The following FHIT variants were observed in gnomAD, a reference collection of about 807,000 sequenced individuals.
FHIT encodes the protein bis(5'-adenosyl)-triphosphatase.
Under a neutral mutation model 17.9 loss-of-function variants are expected in FHIT, and 19 were observed. The ratio of observed to expected loss-of-function variants is 1.06; its 90% CI spans 0.74 to 1.56. The LOEUF is 1.56. FHIT is among the 40% of genes most tolerant of loss of function. The pLI is 0.00. For synonymous variants in FHIT, 81 were observed against 69.7 expected (o/e 1.16, Z -0.81); for missense variants, 248 against 189.2 (o/e 1.31, Z -1.82).
intron 2 of FHIT, among the ~76,000 whole-genome samples, chr3:61,175,010 T>G (rs576381275): frequency 8.4e-6 from 1 of 118,606 alleles, no homozygotes; most frequent in East Asian, 7.2e-4. Flanking sequence ...ATCTATTAAA[T>G]GAAGAGAAGA....
intron 3 of FHIT, among the ~76,000 whole-genome samples, chr3:60,962,703 T>G (rs1553781491): frequency 6.6e-6 from 1 of 152,200 alleles, no homozygotes; most frequent in Non-Finnish European, 1.5e-5. Context: ...GGTTTTTGTC[T>G]TTGGTTCTGT....
At chr3:60,605,577 C>T (rs1271239925) in intron 4 of FHIT, among the ~76,000 whole-genome samples, 2 of 152,188 alleles carry the variant, frequency 1.3e-5, no homozygotes, top group African/African-American at 4.8e-5. Context: ...TATGTCTTTT[C>T]ATTCATTTGT....
At chr3:60,890,890 T>C (rs1456144718) in intron 3 of FHIT, among the ~76,000 whole-genome samples, 4 of 152,100 alleles carry the variant, frequency 2.6e-5, no homozygotes, top group Admixed American at 1.3e-4. Flanking sequence ...TCAAAATCAA[T>C]AGGGCCATTT....
intron 5 of FHIT, among the ~76,000 whole-genome samples, chr3:60,348,401 A>T (rs1053559623): frequency 2.0e-5 from 3 of 152,178 alleles, no homozygotes; most frequent in Non-Finnish European, 4.4e-5. Context: ...TTTTTAACCA[A>T]GATCATAGAG....
At chr3:61,043,336 T>C (rs1327032339) in intron 2 of FHIT, among the ~76,000 whole-genome samples, 1 of 151,706 alleles carries the variant, frequency 6.6e-6, no homozygotes, top group Non-Finnish European at 1.5e-5. Context: ...GTCCCACGCC[T>C]AGCTCGGAGG....
At chr3:61,183,399 C>T (rs1357393485) in intron 2 of FHIT, among the ~76,000 whole-genome samples, 2 of 152,154 alleles carry the variant, frequency 1.3e-5, no homozygotes, top group East Asian at 1.9e-4. Context: ...TTATCCCAAC[C>T]TCATCTAAAG....
chr3:60,746,171 C>T (rs933325876), intron 4 of FHIT, among the ~76,000 whole-genome samples: 24 of 152,278 alleles, frequency 1.6e-4, no homozygotes, highest in African/African-American at 5.5e-4. Context: ...TCTTTGTTAT[C>T]GCTTGAAGCT....
rs560877469 is a variant in FHIT at position 60,206,238 on chromosome 3, T to C, written c.104-192086A>G. ...GTAATTTCTCCCTTGATTTTCTTGT[T>C]CTTGCTGCTATTAAAATCAAGAGGG... On this transcript the variant is annotated intron_variant, in intron 5 of 9. Coordinates refer to ENST00000492590, the MANE Select transcript of FHIT (RefSeq NM_002012.4). 2.0e-5 allele frequency among the ~76,000 whole-genome samples: 3 copies of C among 151,920 alleles called. No individual in the cohort carries two copies. The South Asian group carries it at 6.2e-4, about 32-fold the overall frequency.
chr3:60,331,201 G>A (rs1264796695), intron 5 of FHIT, among the ~76,000 whole-genome samples: 2 of 152,092 alleles, frequency 1.3e-5, no homozygotes, highest in African/African-American at 4.8e-5. Context: ...CATCCATTCT[G>A]CCTGGAATGC....
chr3:60,599,870 T>C (rs1179413978), intron 4 of FHIT, among the ~76,000 whole-genome samples: 1 of 152,024 alleles, frequency 6.6e-6, no homozygotes, highest in Non-Finnish European at 1.5e-5. Context: ...CTATTGACAT[T>C]TTAGACCACA....
intron 5 of FHIT, among the ~76,000 whole-genome samples, chr3:60,026,367 A>G (rs1277958850): frequency 6.6e-6 from 1 of 152,138 alleles, no homozygotes; most frequent in African/African-American, 2.4e-5. Flanking sequence ...GCTTCCCTCA[A>G]TCCAGCAATG....
At chr3:59,770,981 T>C (rs1260110802) in intron 8 of FHIT, among the ~76,000 whole-genome samples, 1 of 152,234 alleles carries the variant, frequency 6.6e-6, no homozygotes, top group Non-Finnish European at 1.5e-5. Flanking sequence ...CAAGCTTAGA[T>C]GGTGCCTGTT....
At chr3:60,690,511 T>C (rs2040962249) in intron 4 of FHIT, 2 of 562,810 alleles carry the variant, frequency 3.6e-6, no homozygotes, top group East Asian at 4.7e-5. Flanking sequence ...AGTGCCATTA[T>C]GGCATGTGAA....
At chr3:61,135,170 A>G (rs1397566497) in intron 2 of FHIT, among the ~76,000 whole-genome samples, 1 of 152,240 alleles carries the variant, frequency 6.6e-6, no homozygotes, top group Non-Finnish European at 1.5e-5. Context: ...CTAATCATTC[A>G]GCCCAGGCTA....
intron 5 of FHIT, among the ~76,000 whole-genome samples, chr3:60,044,482 C>A (rs1701569331): frequency 6.6e-6 from 1 of 152,112 alleles, no homozygotes; most frequent in African/African-American, 2.4e-5. Context: ...GTCCCTCATT[C>A]CCTTTTCTAC....
chr3:60,519,959 C>A (rs35216768), intron 5 of FHIT, among the ~76,000 whole-genome samples: 22,794 of 152,136 alleles, frequency 0.15, 2,156 homozygotes, highest in African/African-American at 0.25. Context: ...ATACTCCCAA[C>A]ACTTGAGCTC....
chr3:60,211,198 G>C (rs140816470), intron 5 of FHIT, among the ~76,000 whole-genome samples: 5 of 151,538 alleles, frequency 3.3e-5, no homozygotes, highest in African/African-American at 4.8e-5. Context: ...AAAATGTATA[G>C]AGTATATATA....
At chr3:60,851,991 T>C (rs1703173970) in intron 3 of FHIT, among the ~76,000 whole-genome samples, 1 of 152,138 alleles carries the variant, frequency 6.6e-6, no homozygotes, top group South Asian at 2.1e-4. Context: ...TGCCCAGATA[T>C]TTGGTCGAAC....
chr3:60,043,950 C>T (rs1311340405), intron 5 of FHIT, among the ~76,000 whole-genome samples: 1 of 152,156 alleles, frequency 6.6e-6, no homozygotes, highest in Non-Finnish European at 1.5e-5. Flanking sequence ...AACGACAGGC[C>T]AACGTGGTGA....
Sources: allele counts gnomAD v4.1 joint callset (sites outside exome capture counted in the v4.1 genomes callset), GRCh38; gene constraint gnomAD v4.1.1; transcripts MANE v1.5; gene names NCBI Gene and HGNC (gene_info 2026-07-23, HGNC 2026-07-21).